Variants in CSNK2A2IP observed in about 807,000 individuals in gnomAD.
The protein encoded by CSNK2A2IP is casein kinase 2 subunit alpha' interacting protein, also known as casein kinase II subunit alpha'-interacting protein.
At chr3:88,389,010 C>A in the CSNK2A2IP span, among the ~76,000 whole-genome samples, 2 of 151,904 alleles carry the variant, frequency 1.3e-5, no homozygotes, top group African/African-American at 4.8e-5. Flanking sequence ...TCCACAAAAA[C>A]CGTAAACCCC....
chr3:88,445,275 C>CAAAAAAAAAAAAAA, the CSNK2A2IP span, among the ~76,000 whole-genome samples: 12 of 47,770 alleles, frequency 2.5e-4, no homozygotes, highest in Non-Finnish European at 3.5e-4. Context: ...GTAAAAATAC[C>CAAAAAAAAAAAAAA]AAAAAAAAAA....
chr3:88,463,253 GT>G, the CSNK2A2IP span, among the ~76,000 whole-genome samples: 33 of 143,988 alleles, frequency 2.3e-4, no homozygotes, highest in African/African-American at 4.8e-4. Context: ...GATCACTTTA[GT>G]TTTTTTTTTT....
chr3:88,432,072 T>C, the CSNK2A2IP span, among the ~76,000 whole-genome samples: 1 of 152,052 alleles, frequency 6.6e-6, no homozygotes, highest in Non-Finnish European at 1.5e-5. Context: ...TTTATTCTTG[T>C]AGTTTGTTTT....
the CSNK2A2IP span, among the ~76,000 whole-genome samples, chr3:88,449,818 GAGACACACACAC>G: frequency 0.046 from 2,761 of 59,518 alleles, 62 homozygotes; most frequent in Non-Finnish European, 0.064. Flanking sequence ...TTTTTATATC[GAGACACACACAC>G]ACACACACAC....
the CSNK2A2IP span, among the ~76,000 whole-genome samples, chr3:88,418,814 A>G: frequency 6.6e-6 from 1 of 152,218 alleles, no homozygotes; most frequent in East Asian, 1.9e-4. Flanking sequence ...ACTGTCTGGT[A>G]CTGGTCTGTG....
the CSNK2A2IP span, among the ~76,000 whole-genome samples, chr3:88,364,467 G>A: frequency 1.4e-3 from 208 of 151,748 alleles, no homozygotes; most frequent in African/African-American, 4.9e-3. Flanking sequence ...ATGTGAGACA[G>A]GAGTATAAAA....
At chr3:88,399,314 T>TA in the CSNK2A2IP span, among the ~76,000 whole-genome samples, 3 of 152,108 alleles carry the variant, frequency 2.0e-5, no homozygotes, top group Non-Finnish European at 2.9e-5. Context: ...CTTAAACATT[T>TA]AAAAAATACA....
At chr3:88,417,853 A>G in the CSNK2A2IP span, among the ~76,000 whole-genome samples, 1 of 152,214 alleles carries the variant, frequency 6.6e-6, no homozygotes, top group Non-Finnish European at 1.5e-5. Context: ...TTTGACTTGA[A>G]TTGCCTGTGA....
chr3:88,436,265 A>G, the CSNK2A2IP span, among the ~76,000 whole-genome samples: 2 of 152,154 alleles, frequency 1.3e-5, no homozygotes, highest in Non-Finnish European at 2.9e-5. Context: ...AAGGTTAATC[A>G]ATTTTTTTGC....
At chr3:88,449,874 T>TATATATATATATATAGAGAGAGAG in the CSNK2A2IP span, among the ~76,000 whole-genome samples, 4 of 70,044 alleles carry the variant, frequency 5.7e-5, no homozygotes, top group African/African-American at 1.9e-4. Context: ...TATATATATA[T>TATATATATATATATAGAGAGAGAG]AGAGAGAGAG....
At chr3:88,448,486 GA>G in the CSNK2A2IP span, among the ~76,000 whole-genome samples, 1 of 152,138 alleles carries the variant, frequency 6.6e-6, no homozygotes, top group Non-Finnish European at 1.5e-5. Context: ...GACAAGTCTG[GA>G]AAACCTATGT....
At chr3:88,381,614 G>A in the CSNK2A2IP span, among the ~76,000 whole-genome samples, 2 of 152,190 alleles carry the variant, frequency 1.3e-5, no homozygotes. Flanking sequence ...GTTCTCAAGA[G>A]GGTGTATCTT....
At chr3:88,420,230 T>C in the CSNK2A2IP span, among the ~76,000 whole-genome samples, 4 of 152,164 alleles carry the variant, frequency 2.6e-5, no homozygotes, top group Non-Finnish European at 5.9e-5. Context: ...ATCATAGAGG[T>C]ATGTCTCACT....
At chr3:88,428,337 G>A in the CSNK2A2IP span, among the ~76,000 whole-genome samples, 21 of 152,254 alleles carry the variant, frequency 1.4e-4, no homozygotes, top group Non-Finnish European at 2.6e-4. Context: ...TCTCAGATGA[G>A]ACTTTGGACT....
At chr3:88,365,522 A>C in the CSNK2A2IP span, among the ~76,000 whole-genome samples, 1 of 152,202 alleles carries the variant, frequency 6.6e-6, no homozygotes, top group Admixed American at 6.5e-5. Context: ...TCAGCCTGCC[A>C]TCAGAAAATC....
At chr3:88,424,607 A>G in the CSNK2A2IP span, among the ~76,000 whole-genome samples, 2 of 152,178 alleles carry the variant, frequency 1.3e-5, no homozygotes, top group African/African-American at 4.8e-5. Flanking sequence ...CAGCTTTTAC[A>G]TGGAAAGATT....
chr3:88,447,357 C>T, the CSNK2A2IP span, among the ~76,000 whole-genome samples: 1 of 152,032 alleles, frequency 6.6e-6, no homozygotes, highest in Non-Finnish European at 1.5e-5. Context: ...TCATATATTA[C>T]TGATGGGAAT....
the CSNK2A2IP span, among the ~76,000 whole-genome samples, chr3:88,358,963 ATT>A: frequency 1.2e-4 from 17 of 139,182 alleles, no homozygotes; most frequent in African/African-American, 3.9e-4. Context: ...CGGCTCCTGG[ATT>A]TTTTTTTTTT....
the CSNK2A2IP span, among the ~76,000 whole-genome samples, chr3:88,388,139 G>T: frequency 6.6e-6 from 1 of 151,880 alleles, no homozygotes; most frequent in Admixed American, 6.6e-5. Flanking sequence ...TTCCTCTGTT[G>T]TCATTTCTAT....
Sources: allele counts gnomAD v4.1 joint callset (sites outside exome capture counted in the v4.1 genomes callset), GRCh38; gene constraint gnomAD v4.1.1; transcripts MANE v1.5; gene names NCBI Gene and HGNC (gene_info 2026-07-23, HGNC 2026-07-21).